Variants in MAN1C1 observed in about 807,000 individuals in gnomAD.
MAN1C1 encodes the protein mannosidase alpha class 1C member 1, also known as mannosyl-oligosaccharide 1,2-alpha-mannosidase IC.
A neutral mutation model predicts 71.5 loss-of-function variants in MAN1C1; 49 were observed. That is an observed-to-expected ratio of 0.69 (90% CI 0.54 to 0.87). MAN1C1 has a LOEUF of 0.87. MAN1C1 is among the 40% of genes least tolerant of loss of function. The pLI, the probability that MAN1C1 is intolerant of heterozygous loss-of-function variation, is 0.00. For missense variants in MAN1C1, 743 were observed against 835.0 expected (o/e 0.89, Z 1.36); for synonymous variants, 352 against 343.7 (o/e 1.02, Z -0.27).
At chr1:25,773,696 C>G (rs1426870948) in intron 8 of MAN1C1, among the ~76,000 whole-genome samples, 10 of 152,210 alleles carry the variant, frequency 6.6e-5, no homozygotes, top group Non-Finnish European at 1.3e-4. Flanking sequence ...GTTGAGCCAT[C>G]AAGGGAAGAA....
chr1:25,771,607 A>G, intron 7 of MAN1C1, 50 bp from the exon 8 acceptor site: 1 of 1,445,338 alleles, frequency 6.9e-7, no homozygotes. Context: ...CTGCCCCGTG[A>G]GAGCCGGCGG....
At position 25,746,928 on chromosome 1, in the gene MAN1C1, C is replaced by A; in HGVS notation, c.753+145C>A. The A allele has an allele frequency of 3.2e-6, 2 of 631,846 alleles. No homozygotes were observed. Among genetic ancestry groups the A allele is most frequent in the Non-Finnish European group, 2.8e-6 (1 of 357,872 alleles). 39.1% of individuals were successfully genotyped at this position (631,846 alleles called of 1,614,324 possible). A position where few individuals can be genotyped will look rare whatever the true frequency, so the allele number is the denominator to read the frequency against. ...CCCAGCAGTCTCGGAACCGGAGCTG[C>A]CGTGCAGTCTGTGCTGAGTCCCTTC... On this transcript the variant is annotated intron_variant, in intron 3 of 11. Coordinates refer to ENST00000374332, the MANE Select transcript of MAN1C1 (RefSeq NM_020379.4). This position sits in a 1 kb window ranked among gnomAD's most constrained non-coding sequence, Gnocchi z 4.0.
chr1:25,653,221 G>A (rs2045718324), intron 1 of MAN1C1, among the ~76,000 whole-genome samples: 2 of 152,076 alleles, frequency 1.3e-5, no homozygotes, highest in South Asian at 4.1e-4. Context: ...TAGGACTACA[G>A]GCACATGCCA....
At chr1:25,703,704 A>G (rs1211515451) in intron 2 of MAN1C1, among the ~76,000 whole-genome samples, 1 of 152,162 alleles carries the variant, frequency 6.6e-6, no homozygotes, top group Non-Finnish European at 1.5e-5. Context: ...TGAAAGTGGG[A>G]TCTGCAGATG....
intron 2 of MAN1C1, among the ~76,000 whole-genome samples, chr1:25,721,838 T>C (rs188779143): frequency 1.4e-4 from 21 of 152,326 alleles, no homozygotes; most frequent in African/African-American, 4.6e-4. Context: ...TTCCTGATCC[T>C]GGGGGAAAGC....
rs1293659227 is a variant in MAN1C1, at chr1:25,618,147, C to T, written c.350C>T (p.Pro117Leu). 1 of 1,536,992 alleles carries T rather than the reference C, an allele frequency of 6.5e-7. No individual in the cohort carries two copies. ...CTGCGGCGCACCCGCCCCACTGGACCCCGCGAGGAGGCCACGGCGGCCCGG... is the reference window on the plus strand; with the variant it reads ...CTGCGGCGCACCCGCCCCACTGGACTCCGCGAGGAGGCCACGGCGGCCCGG... ...GGLRRTRPTG[P>L]REEATAARGN... Residue 117 changes from proline (P) to leucine (L), a missense_variant, in exon 1 of 12, where the codon CCC becomes CTC. Physicochemically the swap from Pro to Leu is moderately conservative, Grantham distance 98. Transcript: ENST00000374332.
chr1:25,624,623 C>G (rs2045265977), intron 1 of MAN1C1, among the ~76,000 whole-genome samples: 1 of 152,190 alleles, frequency 6.6e-6, no homozygotes. Flanking sequence ...GATAGATGAT[C>G]AATAATTGTG....
At chr1:25,664,765 A>G (rs1303138404) in intron 1 of MAN1C1, among the ~76,000 whole-genome samples, 1 of 152,248 alleles carries the variant, frequency 6.6e-6, no homozygotes, top group Non-Finnish European at 1.5e-5. Context: ...GATTAAAAGA[A>G]AAGGGGAAGA....
intron 1 of MAN1C1, among the ~76,000 whole-genome samples, chr1:25,663,106 C>T (rs146209381): frequency 0.02 from 2,968 of 147,698 alleles, 99 homozygotes; most frequent in African/African-American, 0.069. Context: ...AAAAATTATA[C>T]ATATATATAT....
At chr1:25,653,391 T>A (rs1389559989) in intron 1 of MAN1C1, among the ~76,000 whole-genome samples, 1 of 152,220 alleles carries the variant, frequency 6.6e-6, no homozygotes, top group Non-Finnish European at 1.5e-5. Context: ...ACCTCCTCTG[T>A]TGAAACCCCC....
At position 25,733,234 on chromosome 1, in the gene MAN1C1, A is replaced by G. The variant is rs1042632931; in HGVS notation, c.638-13434A>G. ...CTCCTCATCCGTAAGTGCCTAGAGG[A>G]CAATTCACCAAACCAAGATGGGTAG... On this transcript the variant is annotated intron_variant, in intron 2 of 11. Transcript: ENST00000374332. Among the ~76,000 whole-genome samples, 7 of 152,064 alleles carry G rather than the reference A, an allele frequency of 4.6e-5. No homozygotes were observed. In the South Asian group the frequency reaches 8.3e-4, roughly 18 times the overall value.
At chr1:25,751,339 C>T (rs1187040415) in intron 4 of MAN1C1, among the ~76,000 whole-genome samples, 6 of 152,222 alleles carry the variant, frequency 3.9e-5, no homozygotes, top group African/African-American at 1.4e-4. Flanking sequence ...ATCCATCCTT[C>T]CATCATTCTC....
chr1:25,647,885 A>T (rs56132295), intron 1 of MAN1C1, among the ~76,000 whole-genome samples: 13,162 of 151,976 alleles, frequency 0.087, 1,229 homozygotes, highest in East Asian at 0.22. Flanking sequence ...CTAGGGTAGG[A>T]TAGGGGTCTG....
At chr1:25,661,083 GT>G (rs34138700) in intron 1 of MAN1C1, among the ~76,000 whole-genome samples, 3,616 of 149,308 alleles carry the variant, frequency 0.024, 151 homozygotes, top group African/African-American at 0.083. Context: ...ATGAAATTCT[GT>G]TTTTTTTTTT....
chr1:25,720,065 C>G (rs1406739053), intron 2 of MAN1C1, among the ~76,000 whole-genome samples: 1 of 152,028 alleles, frequency 6.6e-6, no homozygotes, highest in Non-Finnish European at 1.5e-5. Flanking sequence ...ATTACTGGCA[C>G]GAGCCACAGT....
At position 25,769,892 on chromosome 1, in the gene MAN1C1, A is replaced by T. The variant is rs1230209897; in HGVS notation, c.1142-1765A>T. On this transcript the variant is annotated intron_variant, in intron 7 of 11. Transcript: ENST00000374332. This position sits in a 1 kb window ranked among gnomAD's most constrained non-coding sequence, Gnocchi z 4.8. ...TTCAGATGGTGCCTGGCCTTGTTTC[A>T]CTTAATCCCCGTGGCCACCCTATGG... Among the ~76,000 whole-genome samples the T allele has an allele frequency of 6.6e-6, 1 of 151,918 alleles. No homozygotes were observed. The highest frequency in any genetic ancestry group is 2.4e-5 in the African/African-American group (1 of 41,340).
intron 2 of MAN1C1, among the ~76,000 whole-genome samples, chr1:25,743,149 C>G (rs1020454796): frequency 6.6e-6 from 1 of 152,194 alleles, no homozygotes; most frequent in Non-Finnish European, 1.5e-5. Flanking sequence ...AACTTTGATG[C>G]TTAGAGCAGA....
intron 1 of MAN1C1, among the ~76,000 whole-genome samples, chr1:25,655,957 G>T (rs2045758133): frequency 6.6e-6 from 1 of 151,976 alleles, no homozygotes; most frequent in African/African-American, 2.4e-5. Context: ...TGGACTGGGG[G>T]TGCTCAGGAG....
Position 25,746,651 on chromosome 1 carries a change from A to G in MAN1C1, c.638-17A>G, listed in dbSNP as rs376442802. ...AAGATGGCCCTGGGTCACACCCTCA[A>G]TGCTCTGTGCCTGCAGGAGGCCTCA... On this transcript the variant is annotated splice_polypyrimidine_tract_variant and intron_variant, in intron 2 of 11. Transcript: ENST00000374332. The surrounding 1 kb of genome is among the most constrained non-coding windows in gnomAD (Gnocchi z 4.0). 132 of 1,588,378 alleles carry G rather than the reference A, an allele frequency of 8.3e-5. No homozygotes were observed. The highest frequency in any genetic ancestry group is 1.7e-4 in the Middle Eastern group (1 of 6,050).
Sources: gnomAD v4.1 joint callset for allele counts (sites outside exome capture counted in the v4.1 genomes callset) on GRCh38, gnomAD v4.1.1 for gene constraint, Gnocchi (gnomAD v3.1) non-coding constraint, MANE v1.5 for transcripts, NCBI Gene and HGNC (gene_info 2026-07-23, HGNC 2026-07-21) for gene names.